Variants in TSHZ3 observed in about 807,000 individuals in gnomAD.
The protein encoded by TSHZ3 is teashirt zinc finger homeobox 3, also known as teashirt homolog 3.
A neutral mutation model predicts 64.5 loss-of-function variants in TSHZ3; 10 were observed. The ratio of observed to expected loss-of-function variants is 0.16; its 90% CI spans 0.10 to 0.26. The LOEUF is 0.26. Among genes scored for constraint, TSHZ3 ranks in the 10% least tolerant of loss-of-function variants. The probability of loss-of-function intolerance (pLI) is 1.00; values close to 1 mark genes in which losing one functional copy is unlikely to be tolerated. For synonymous variants in TSHZ3, 608 were observed against 593.1 expected (o/e 1.03, Z -0.36); for missense variants, 1,242 against 1,421.7 (o/e 0.87, Z 2.03).
chr19:31,270,357 T>G (rs544907996), downstream of TSHZ3, among the ~76,000 whole-genome samples: 71 of 152,238 alleles, frequency 4.7e-4, no homozygotes, highest in Non-Finnish European at 8.7e-4. Flanking sequence ...TTTGTTGGTT[T>G]GTTTGTTTTT....
downstream of TSHZ3, among the ~76,000 whole-genome samples, chr19:31,273,483 G>A (rs181534901): frequency 3.3e-4 from 50 of 152,270 alleles, no homozygotes; most frequent in Non-Finnish European, 5.3e-4. Flanking sequence ...TGTCAAGAGC[G>A]GGGTTCCACC....
rs386808625 is a variant in TSHZ3 at position 31,330,708 on chromosome 19, G to GT, written c.40+18471_40+18472insA. Among the ~76,000 whole-genome samples, 891 of 148,326 alleles carry GT rather than the reference G, an allele frequency of 6.0e-3. 12 individuals carry two copies. Among genetic ancestry groups the GT allele is most frequent in the African/African-American group, 0.021 (844 of 40,256 alleles). Reference sequence around the variant, plus strand: ...GAGCCAAGTGCTGTTTAATCCTTGGGCGGGGGGAGGAAAGTCCAGAACACC... The same window carrying GT: ...GAGCCAAGTGCTGTTTAATCCTTGGGTCGGGGGGAGGAAAGTCCAGAACACC... On this transcript the variant is annotated intron_variant, in intron 1 of 1. Coordinates refer to ENST00000240587, the MANE Select transcript of TSHZ3 (RefSeq NM_020856.4).
In TSHZ3 at chr19:31,277,626, T is replaced by A; in HGVS notation, c.2167A>T (p.Ser723Cys). Residue 723 changes from serine to cysteine, a missense_variant, in exon 2 of 2, where the codon AGC becomes TGC. By Grantham distance (112) the Ser-to-Cys change is moderately radical. Transcript: ENST00000240587. The surrounding 1 kb of genome is among the most constrained non-coding windows in gnomAD (Gnocchi z 4.5). ...PPEQPFVNPL[S>C]ALQSVMNIHL... ...ATGTTCATGACTGACTGCAGGGCGCTCAAAGGGTTAACAAAAGGCTGTTCA... is the reference window on the plus strand; with the variant it reads ...ATGTTCATGACTGACTGCAGGGCGCACAAAGGGTTAACAAAAGGCTGTTCA... 1 of 1,562,414 alleles carries A rather than the reference T, an allele frequency of 6.4e-7. No homozygotes were observed. The highest frequency in any genetic ancestry group is 1.2e-5 in the South Asian group (1 of 82,234).
At chr19:31,341,886 G>C (rs1036236388) in intron 1 of TSHZ3, among the ~76,000 whole-genome samples, 1 of 152,156 alleles carries the variant, frequency 6.6e-6, no homozygotes, top group Non-Finnish European at 1.5e-5. Flanking sequence ...CGGGCATTAA[G>C]ATTCCTAGGC....
chr19:31,301,721 G>A (rs925683428), intron 1 of TSHZ3, among the ~76,000 whole-genome samples: 9 of 152,128 alleles, frequency 5.9e-5, no homozygotes, highest in African/African-American at 1.4e-4. Context: ...GGATTTTTCC[G>A]GACATGTTTG....
At chr19:31,252,357 C>A (rs1465476015) in intron 1 of TSHZ3, among the ~76,000 whole-genome samples, 1 of 152,124 alleles carries the variant, frequency 6.6e-6, no homozygotes, top group Admixed American at 6.5e-5. Flanking sequence ...TGTAAGGACA[C>A]ATGTCATCAA....
At chr19:31,268,360 G>A (rs1417749836) in intron 1 of TSHZ3, among the ~76,000 whole-genome samples, 1 of 152,116 alleles carries the variant, frequency 6.6e-6, no homozygotes, top group Non-Finnish European at 1.5e-5. Context: ...CATGAAACCA[G>A]AGCCCCAGGA....
intron 1 of TSHZ3, among the ~76,000 whole-genome samples, chr19:31,288,399 C>A (rs1469443753): frequency 6.6e-6 from 1 of 152,152 alleles, no homozygotes; most frequent in Non-Finnish European, 1.5e-5. Context: ...GCATCTTGAC[C>A]ACTTCTCACT....
intron 1 of TSHZ3, among the ~76,000 whole-genome samples, chr19:31,288,629 A>G (rs1257123069): frequency 6.6e-6 from 1 of 152,090 alleles, no homozygotes; most frequent in Non-Finnish European, 1.5e-5. Context: ...TGCAGCCTCT[A>G]ACTCCTGGGC....
At chr19:31,320,819 G>C (rs1238165193) in intron 1 of TSHZ3, among the ~76,000 whole-genome samples, 1 of 152,122 alleles carries the variant, frequency 6.6e-6, no homozygotes, top group Admixed American at 6.5e-5. Context: ...TGTAGGTCTG[G>C]GTGTTCCTGG....
At chr19:31,176,440 A>G (rs191429907) in intron 5 of TSHZ3, among the ~76,000 whole-genome samples, 120 of 152,360 alleles carry the variant, frequency 7.9e-4, no homozygotes, top group Middle Eastern at 3.4e-3. Context: ...TGAATATCCA[A>G]ACAACCCATG....
At chr19:31,183,903 C>T in intron 5 of TSHZ3, among the ~76,000 whole-genome samples, 1 of 152,074 alleles carries the variant, frequency 6.6e-6, no homozygotes, top group Admixed American at 6.6e-5. Context: ...TAAAGTAATA[C>T]CAGTACTCTC....
intron 4 of TSHZ3, among the ~76,000 whole-genome samples, chr19:31,211,795 G>T (rs573924395): frequency 6.6e-6 from 1 of 152,158 alleles, no homozygotes; most frequent in African/African-American, 2.4e-5. Context: ...TGGCCTGGGG[G>T]TGACAAAGCA....
intron 1 of TSHZ3, among the ~76,000 whole-genome samples, chr19:31,325,240 C>G (rs1019756013): frequency 6.6e-6 from 1 of 152,204 alleles, no homozygotes. Flanking sequence ...ACCCTCAGTG[C>G]TTTCACTGGT....
At chr19:31,251,791 A>G (rs1375531287) in intron 1 of TSHZ3, among the ~76,000 whole-genome samples, 1 of 152,154 alleles carries the variant, frequency 6.6e-6, no homozygotes, top group Non-Finnish European at 1.5e-5. Flanking sequence ...GGGGAGGTGG[A>G]GTGGGACCTA....
At chr19:31,187,996 C>T (rs190763633) in intron 5 of TSHZ3, among the ~76,000 whole-genome samples, 82 of 152,036 alleles carry the variant, frequency 5.4e-4, no homozygotes, top group Non-Finnish European at 9.9e-4. Flanking sequence ...AGTTAAATTT[C>T]GGAGATAGAA....
intron 1 of TSHZ3, among the ~76,000 whole-genome samples, chr19:31,320,140 CCAAA>C (rs888704688): frequency 6.6e-6 from 1 of 152,114 alleles, no homozygotes; most frequent in Admixed American, 6.5e-5. Context: ...AGTATAATAA[CCAAA>C]CAAATGCCTG....
rs942091262 is a variant in TSHZ3, at chr19:31,279,189, T to C, written c.604A>G (p.Lys202Glu). 4 of 1,613,696 alleles carry C rather than the reference T, an allele frequency of 2.5e-6. No homozygotes were observed. Among genetic ancestry groups the C allele is most frequent in the Non-Finnish European group, 2.5e-6 (3 of 1,179,758 alleles). ...STVQLYRQSS[K>E]LYGSIFTGAS... is the part of the protein sequence containing the mutation. The stretch of plus-strand genomic sequence containing the variant: ...CCCGTGAAGATGGAGCCATAGAGCT[T>C]GCTGCTCTGCCGGTACAGCTGCACG... The change falls in exon 2 of 2, where the codon AAG becomes GAG. Residue 202 changes from lysine to glutamate, a missense_variant. By Grantham distance (56) the Lys-to-Glu change is moderately conservative. Coordinates refer to ENST00000240587, the MANE Select transcript of TSHZ3 (RefSeq NM_020856.4). This position sits in a 1 kb window ranked among gnomAD's most constrained non-coding sequence, Gnocchi z 6.4.
intron 1 of TSHZ3, among the ~76,000 whole-genome samples, chr19:31,338,065 G>A (rs960462274): frequency 1.3e-5 from 2 of 152,070 alleles, no homozygotes; most frequent in African/African-American, 2.4e-5. Flanking sequence ...TTGCACTATC[G>A]GGGCTCTCCC....
Sources: gnomAD v4.1 joint callset for allele counts (sites outside exome capture counted in the v4.1 genomes callset) on GRCh38, gnomAD v4.1.1 for gene constraint, Gnocchi (gnomAD v3.1) non-coding constraint, MANE v1.5 for transcripts, NCBI Gene and HGNC (gene_info 2026-07-23, HGNC 2026-07-21) for gene names.